SCN10A: variants seen among roughly 807,000 people sequenced by gnomAD.
SCN10A encodes the protein sodium channel protein type 10 subunit alpha.
SCN10A carries 162 observed loss-of-function variants against 170.7 expected under a neutral mutation model. The observed-to-expected ratio is 0.95, with a 90% confidence interval of 0.84 to 1.08. SCN10A has a LOEUF of 1.08. SCN10A is among the 50% of genes least tolerant of loss of function. The pLI, the probability that SCN10A is intolerant of heterozygous loss-of-function variation, is 0.00. For missense variants in SCN10A, 2,527 were observed against 2,436.9 expected (o/e 1.04, Z -0.78); for synonymous variants, 985 against 904.6 (o/e 1.09, Z -1.59).
intron 4 of SCN10A, among the ~76,000 whole-genome samples, chr3:38,780,348 C>T (rs2096690033): frequency 1.3e-5 from 2 of 151,802 alleles, no homozygotes; most frequent in Admixed American, 6.6e-5. Context: ...TAATTTTAGC[C>T]TTTCTGTATC....
intron 16 of SCN10A, among the ~76,000 whole-genome samples, chr3:38,727,941 C>A (rs576210690): frequency 2.0e-5 from 3 of 152,296 alleles, no homozygotes; most frequent in African/African-American, 7.2e-5. Flanking sequence ...GTTATTATTT[C>A]TGTGGCCTTG....
Position 38,742,481 on chromosome 3 carries a change from G to A in SCN10A, c.1916C>T (p.Ser639Phe), listed in dbSNP as rs1409177961. The stretch of plus-strand genomic sequence containing the variant: ...GCAATCCCAGATCAGATACTTCTGA[G>A]ACAAGCTGGTCAAGCAGGGTGGGCA... ...QKCPPCLTSL[S>F]QKYLIWDCCP... The change falls in exon 14 of 28, where the codon TCT (serine) becomes TTT (phenylalanine). Residue 639 changes from serine (S) to phenylalanine (F), a missense_variant. Ser to Phe is a radical substitution (Grantham distance 155). Coordinates refer to ENST00000449082, the MANE Select transcript of SCN10A (RefSeq NM_006514.4). The A allele has an allele frequency of 6.2e-7, 1 of 1,614,202 alleles. No homozygotes were observed. The highest frequency in any genetic ancestry group is 2.2e-5 in the East Asian group (1 of 44,882).
intron 4 of SCN10A, among the ~76,000 whole-genome samples, chr3:38,787,736 T>C (rs187603966): frequency 3.9e-5 from 6 of 152,266 alleles, no homozygotes; most frequent in Admixed American, 3.3e-4. Flanking sequence ...GTTTGTTACA[T>C]AGGTGTACCC....
chr3:38,784,651 G>T (rs566535038), intron 4 of SCN10A, among the ~76,000 whole-genome samples: 21 of 152,116 alleles, frequency 1.4e-4, no homozygotes, highest in African/African-American at 4.8e-4. Flanking sequence ...GCAAGAGAAA[G>T]AAATAAGGGG....
At chr3:38,707,129 G>T in intron 26 of SCN10A, 150 bp downstream of exon 26, 1 of 700,374 alleles carries the variant, frequency 1.4e-6, no homozygotes, top group Non-Finnish European at 2.3e-6. Context: ...CATTCCTTGG[G>T]CCTAGGAACC....
Position 38,808,259 on chromosome 3 carries a change from C to G in SCN10A, c.-33+7778G>C, listed in dbSNP as rs561188715. Among the ~76,000 whole-genome samples the G allele has an allele frequency of 1.6e-4, 24 of 152,222 alleles. No individual in the cohort carries two copies. The South Asian group carries it at 4.8e-3, about 30-fold the overall frequency. On this transcript the variant is annotated intron_variant, in intron 1 of 27. Transcript: ENST00000449082. Reference sequence around the variant, plus strand: ...TTCACACATGCTTTTTTCTCTCTCTCTCAGCAATGCTTTTGTCCTTCTTTC... The same window carrying G: ...TTCACACATGCTTTTTTCTCTCTCTGTCAGCAATGCTTTTGTCCTTCTTTC...
At chr3:38,765,578 T>A (rs1575162565) in intron 5 of SCN10A, among the ~76,000 whole-genome samples, 3 of 152,296 alleles carry the variant, frequency 2.0e-5, no homozygotes, top group Admixed American at 2.0e-4. Context: ...ATGTGCTTAT[T>A]TTTATACCAG....
rs1463206676 is a variant in SCN10A, at chr3:38,697,865, C to T, written c.5355G>A (p.Leu1785=). 1.2e-6 allele frequency: 2 copies of T among 1,614,090 alleles called. 1 individual carries two copies. ...GGACCAAAGGCAGGTCCATCTGGATCAGTATATTTCGATTGGGTTTTGGGA... is the reference window on the plus strand; with the variant it reads ...GGACCAAAGGCAGGTCCATCTGGATTAGTATATTTCGATTGGGTTTTGGGA... ...LRIPKPNRNI[L]IQMDLPLVPG... is the part of the protein sequence containing the mutation. The change falls in exon 28 of 28, where the codon CTG becomes CTA. Residue 1785 remains leucine, a synonymous_variant. Coordinates refer to ENST00000449082, the MANE Select transcript of SCN10A (RefSeq NM_006514.4).
intron 24 of SCN10A, among the ~76,000 whole-genome samples, chr3:38,710,188 C>G (rs116839902): frequency 6.6e-6 from 1 of 152,004 alleles, no homozygotes; most frequent in East Asian, 1.9e-4. Context: ...GAGATTGAGT[C>G]TCGCTGTCTC....
At chr3:38,786,775 A>G (rs941723856) in intron 4 of SCN10A, among the ~76,000 whole-genome samples, 5 of 152,018 alleles carry the variant, frequency 3.3e-5, no homozygotes, top group Non-Finnish European at 7.4e-5. Context: ...TTTTTTGAAG[A>G]CCGCCTTTTC....
chr3:38,764,699 A>G (rs950975944), intron 5 of SCN10A, among the ~76,000 whole-genome samples: 5 of 152,186 alleles, frequency 3.3e-5, no homozygotes, highest in Non-Finnish European at 7.3e-5. Flanking sequence ...TGTCTTTTTA[A>G]TAATGGCTTA....
chr3:38,701,549 G>GATTATTCCC (rs986402625), intron 27 of SCN10A, among the ~76,000 whole-genome samples: 6 of 152,196 alleles, frequency 3.9e-5, no homozygotes, highest in African/African-American at 1.4e-4. Context: ...CAGGAGGAGT[G>GATTATTCCC]ATTATTCCCT....
intron 13 of SCN10A, among the ~76,000 whole-genome samples, chr3:38,749,428 C>T (rs1237238839): frequency 5.3e-5 from 8 of 152,228 alleles, no homozygotes; most frequent in African/African-American, 1.9e-4. Flanking sequence ...CAATCACGCT[C>T]TATGGCAAAG....
intron 11 of SCN10A, among the ~76,000 whole-genome samples, chr3:38,754,116 G>A (rs979463170): frequency 2.0e-5 from 3 of 152,160 alleles, no homozygotes; most frequent in East Asian, 1.9e-4. Flanking sequence ...GCACATACAT[G>A]TTGTTCTTTC....
intron 24 of SCN10A, 131 bp downstream of exon 24, chr3:38,710,713 G>A: frequency 1.2e-6 from 1 of 810,664 alleles, no homozygotes. Flanking sequence ...GCTGCAAGGA[G>A]GGACAGTGTG....
chr3:38,812,328 C>A (rs1342910739), intron 1 of SCN10A, among the ~76,000 whole-genome samples: 1 of 152,146 alleles, frequency 6.6e-6, no homozygotes, highest in Non-Finnish European at 1.5e-5. Context: ...TTGAGGCTAA[C>A]TTAGTGAAGG....
chr3:38,739,789 C>T (rs2063611803), intron 14 of SCN10A, 101 bp from the exon 15 acceptor site: 5 of 1,018,866 alleles, frequency 4.9e-6, no homozygotes, highest in Non-Finnish European at 7.3e-6. Flanking sequence ...AATAGAAAAT[C>T]CTTTTGTTTT....
At chr3:38,729,433 T>G (rs1373762742) in intron 15 of SCN10A, among the ~76,000 whole-genome samples, 1 of 152,190 alleles carries the variant, frequency 6.6e-6, no homozygotes, top group African/African-American at 2.4e-5. Flanking sequence ...ATGTCCATGA[T>G]TTCATGGACT....
intron 4 of SCN10A, among the ~76,000 whole-genome samples, chr3:38,773,187 C>T (rs1289396632): frequency 6.6e-6 from 1 of 152,106 alleles, no homozygotes; most frequent in Non-Finnish European, 1.5e-5. Context: ...TTACTAGAAG[C>T]TGGGCATGGT....
Sources: gnomAD v4.1 joint callset for allele counts (sites outside exome capture counted in the v4.1 genomes callset) on GRCh38, gnomAD v4.1.1 for gene constraint, MANE v1.5 for transcripts, NCBI Gene and HGNC (gene_info 2026-07-23, HGNC 2026-07-21) for gene names.